Variants in KAZN observed in about 807,000 individuals in gnomAD.
KAZN encodes kazrin.
In KAZN, 40 loss-of-function variants were observed where a neutral mutation model predicts 87.4. The ratio of observed to expected loss-of-function variants is 0.46; its 90% confidence interval spans 0.36 to 0.60. The LOEUF is 0.60. KAZN is among the 20% of genes least tolerant of loss of function. KAZN has a pLI of 0.00. For missense variants in KAZN, 898 were observed against 1,073.9 expected, an observed-to-expected ratio of 0.84 and a Z score of 2.29; for synonymous variants, 466 against 458.3, an observed-to-expected ratio of 1.02 and a Z score of -0.22.
chr1:14,601,709 A>G (rs1483995401), intron 1 of KAZN, among the ~76,000 whole-genome samples: 1 of 152,130 alleles, frequency 6.6e-6, no homozygotes, highest in Non-Finnish European at 1.5e-5. Context: ...GTTCTTCCAA[A>G]TTAGTCTTGT....
At chr1:13,898,359 C>A (rs1639122813) in intron 1 of KAZN, among the ~76,000 whole-genome samples, 1 of 152,106 alleles carries the variant, frequency 6.6e-6, no homozygotes, top group African/African-American at 2.4e-5. Context: ...GGTTGGGTGA[C>A]CCCCAGCTTG....
chr1:14,996,449 C>T lies in KAZN; in HGVS notation c.418+35574C>T, dbSNP rs1415298961. Reference sequence around the variant, plus strand: ...CATCACTGTATCATCAGACCCGGCACAGGGCCTGGCCTACAGTGGGTGCCC... The same window carrying T: ...CATCACTGTATCATCAGACCCGGCATAGGGCCTGGCCTACAGTGGGTGCCC... On this transcript the variant is annotated intron_variant, in intron 2 of 14. Transcript: ENST00000376030. This position sits in a 1 kb window ranked among gnomAD's most constrained non-coding sequence, Gnocchi z 5.9. 2.6e-5 allele frequency among the ~76,000 whole-genome samples: 4 copies of T among 152,290 alleles called. No individual in the cohort carries two copies. The East Asian group carries it at 7.7e-4, about 29-fold the overall frequency.
intron 1 of KAZN, among the ~76,000 whole-genome samples, chr1:14,003,173 G>T (rs1639875715): frequency 6.6e-6 from 1 of 151,896 alleles, no homozygotes; most frequent in Non-Finnish European, 1.5e-5. Context: ...TGGACACAGG[G>T]TGGGGAACAT....
chr1:15,103,325 T>G, intron 11 of KAZN, 34 bp from the exon 12 acceptor site: 1 of 1,513,562 alleles, frequency 6.6e-7, no homozygotes, highest in Non-Finnish European at 9.0e-7. Context: ...CGTGTCCCCT[T>G]GTCCCTCCGA....
chr1:14,376,397 C>T (rs998365815), intron 2 of KAZN, among the ~76,000 whole-genome samples: 3 of 152,028 alleles, frequency 2.0e-5, no homozygotes, highest in African/African-American at 7.2e-5. Context: ...GATTAATGGC[C>T]TTATCTCGGG....
At chr1:14,688,713 G>A (rs931500774) in intron 1 of KAZN, among the ~76,000 whole-genome samples, 4 of 152,258 alleles carry the variant, frequency 2.6e-5, no homozygotes, top group African/African-American at 9.6e-5. Context: ...CAGTGCACAC[G>A]TACTAGAACC....
intron 1 of KAZN, among the ~76,000 whole-genome samples, chr1:14,075,088 C>T (rs1406743895): frequency 2.0e-5 from 3 of 152,026 alleles, no homozygotes; most frequent in Admixed American, 6.6e-5. Flanking sequence ...AGGGGGCTGC[C>T]AGGAATGAAA....
At chr1:14,369,855 A>T (rs890814542) in intron 2 of KAZN, among the ~76,000 whole-genome samples, 5 of 152,192 alleles carry the variant, frequency 3.3e-5, no homozygotes, top group African/African-American at 1.2e-4. Context: ...TTGTTACAGT[A>T]ATTTGTGTTT....
chr1:14,401,853 G>C (rs1663437429), intron 2 of KAZN, among the ~76,000 whole-genome samples: 1 of 151,758 alleles, frequency 6.6e-6, no homozygotes, highest in African/African-American at 2.4e-5. Context: ...TATCAAACTA[G>C]AAATGGGAAA....
intron 1 of KAZN, among the ~76,000 whole-genome samples, chr1:14,725,352 C>T (rs1643326160): frequency 1.3e-5 from 2 of 152,144 alleles, no homozygotes; most frequent in Admixed American, 6.5e-5. Flanking sequence ...CTCTACCTCT[C>T]CTTTGTGACA....
intron 2 of KAZN, among the ~76,000 whole-genome samples, chr1:15,001,625 A>G (rs1323063731): frequency 6.6e-6 from 1 of 152,124 alleles, no homozygotes; most frequent in East Asian, 1.9e-4. Flanking sequence ...CCCATGAATG[A>G]AGCCACCCTT....
chr1:14,970,328 C>T (rs1181023176), intron 2 of KAZN, among the ~76,000 whole-genome samples: 3 of 152,190 alleles, frequency 2.0e-5, no homozygotes, highest in South Asian at 2.1e-4. Context: ...CCTGACCAAG[C>T]CCTGTATCAC....
intron 1 of KAZN, among the ~76,000 whole-genome samples, chr1:14,152,360 C>A (rs1422619417): frequency 6.6e-6 from 1 of 152,196 alleles, no homozygotes. Flanking sequence ...CCTCTGGGAA[C>A]CATCCTTCTA....
chr1:14,216,460 A>T (rs1175648744), intron 2 of KAZN, among the ~76,000 whole-genome samples: 3 of 152,206 alleles, frequency 2.0e-5, no homozygotes, highest in Non-Finnish European at 2.9e-5. Context: ...GAGAAGGTAA[A>T]GATAAAAGTG....
At chr1:14,241,794 C>T (rs1648957848) in intron 2 of KAZN, among the ~76,000 whole-genome samples, 2 of 152,156 alleles carry the variant, frequency 1.3e-5, no homozygotes, top group African/African-American at 4.8e-5. Context: ...GAATTGCTGA[C>T]GTGTGTCAGA....
chr1:14,933,345 G>A (rs1166810586), intron 1 of KAZN, among the ~76,000 whole-genome samples: 1 of 151,938 alleles, frequency 6.6e-6, no homozygotes, highest in African/African-American at 2.4e-5. Flanking sequence ...CGCCTGCCTC[G>A]GCCTCCCAAA....
chr1:14,510,110 C>T (rs145741457), intron 2 of KAZN, among the ~76,000 whole-genome samples: 14 of 152,230 alleles, frequency 9.2e-5, no homozygotes, highest in African/African-American at 3.4e-4. Context: ...CTTGGCCAGG[C>T]ACAGTGGCCT....
At chr1:14,048,395 C>CTT (rs34631391) in intron 1 of KAZN, among the ~76,000 whole-genome samples, 115 of 145,660 alleles carry the variant, frequency 7.9e-4, no homozygotes, top group African/African-American at 1.5e-3. Flanking sequence ...TAAAATACTT[C>CTT]TTTTTTTTTT....
rs147295413 is a variant in KAZN at position 14,215,689 on chromosome 1, G to A, written c.249+35097G>A. Reference sequence around the variant, plus strand: ...CTGTTGTCTTTGCTTTTCAGGTAAAGAAACTGAAGCCTACAGAAAAGCTTA... The same window carrying A: ...CTGTTGTCTTTGCTTTTCAGGTAAAAAAACTGAAGCCTACAGAAAAGCTTA... On this transcript the variant is annotated intron_variant, in intron 2 of 16. Transcript: ENST00000636203. Among the ~76,000 whole-genome samples the A allele has an allele frequency of 2.6e-5, 4 of 152,272 alleles. No individual in the cohort carries two copies. In the East Asian group the frequency reaches 5.8e-4, roughly 22 times the overall value.
Sources: allele counts gnomAD v4.1 joint callset (sites outside exome capture counted in the v4.1 genomes callset), GRCh38; gene constraint gnomAD v4.1.1; non-coding constraint Gnocchi (gnomAD v3.1); transcripts MANE v1.5; gene names NCBI Gene and HGNC (gene_info 2026-07-23, HGNC 2026-07-21).